Variants in CALN1 observed in about 807,000 individuals in gnomAD.
CALN1 encodes the protein calcium-binding protein 8.
CALN1 carries 17 observed loss-of-function variants against 30.6 expected under a neutral mutation model. The ratio of observed to expected loss-of-function variants is 0.56; its 90% CI spans 0.38 to 0.83. The LOEUF is 0.83. Among genes scored for constraint, CALN1 ranks in the 40% least tolerant of loss-of-function variants. CALN1 has a pLI of 0.00. For missense variants in CALN1, 291 were observed against 354.9 expected, an observed-to-expected ratio of 0.82 and a Z score of 1.45; for synonymous variants, 156 against 131.4, an observed-to-expected ratio of 1.19 and a Z score of -1.28.
chr7:72,347,360 G>A (rs1047556127), intron 2 of CALN1, among the ~76,000 whole-genome samples: 26 of 151,576 alleles, frequency 1.7e-4, no homozygotes, highest in African/African-American at 6.1e-4. Context: ...TCTGCCTCCC[G>A]GGTTCAAGCG....
intron 1 of CALN1, among the ~76,000 whole-genome samples, chr7:72,424,590 A>T (rs1281206742): frequency 4.0e-5 from 6 of 151,826 alleles, no homozygotes; most frequent in East Asian, 1.9e-4. Flanking sequence ...CTGTCTCTTA[A>T]TTTATTTTAT....
chr7:72,479,812 A>C, the CALN1 span, among the ~76,000 whole-genome samples: 1 of 152,144 alleles, frequency 6.6e-6, no homozygotes, highest in Non-Finnish European at 1.5e-5. Context: ...TGGCTTCCCA[A>C]AGTGCTGGGA....
At chr7:71,962,486 G>A (rs969503069) in intron 5 of CALN1, among the ~76,000 whole-genome samples, 2 of 152,178 alleles carry the variant, frequency 1.3e-5, no homozygotes, top group African/African-American at 2.4e-5. Context: ...GCTGGCAAAA[G>A]CCATGCCATA....
intron 4 of CALN1, among the ~76,000 whole-genome samples, chr7:72,024,554 A>C (rs1422764516): frequency 6.6e-6 from 1 of 152,078 alleles, no homozygotes; most frequent in Non-Finnish European, 1.5e-5. Context: ...GCAAGCCACC[A>C]AGCCTGGCTA....
At chr7:72,298,156 G>A (rs558919500) in intron 2 of CALN1, among the ~76,000 whole-genome samples, 2 of 152,250 alleles carry the variant, frequency 1.3e-5, no homozygotes, top group Non-Finnish European at 2.9e-5. Context: ...ATCTTTACCT[G>A]TGTATGGCCA....
chr7:71,987,354 T>C (rs1188511366), intron 5 of CALN1, among the ~76,000 whole-genome samples: 1 of 152,190 alleles, frequency 6.6e-6, no homozygotes, highest in Non-Finnish European at 1.5e-5. Context: ...CACAAGTCCA[T>C]GCGGGGGCTG....
the CALN1 span, among the ~76,000 whole-genome samples, chr7:72,481,448 T>G: frequency 6.6e-6 from 1 of 152,236 alleles, no homozygotes; most frequent in Non-Finnish European, 1.5e-5. Context: ...TCTGTTGCTT[T>G]TCTGTTTTCT....
chr7:71,866,837 T>C (rs1333683125), intron 5 of CALN1, among the ~76,000 whole-genome samples: 4 of 152,186 alleles, frequency 2.6e-5, no homozygotes, highest in African/African-American at 7.2e-5. Context: ...TGGCAGATAA[T>C]TTGTCTACTA....
At chr7:72,393,979 A>G (rs978794200) in intron 2 of CALN1, among the ~76,000 whole-genome samples, 6 of 152,186 alleles carry the variant, frequency 3.9e-5, no homozygotes, top group Admixed American at 2.0e-4. Context: ...TGTTTTATTA[A>G]AAGAATCACA....
At chr7:72,281,936 T>C (rs1797756024) in intron 2 of CALN1, among the ~76,000 whole-genome samples, 1 of 151,904 alleles carries the variant, frequency 6.6e-6, no homozygotes, top group Non-Finnish European at 1.5e-5. Context: ...ATAATTTGCT[T>C]CTGAAAAAAA....
chr7:72,089,253 A>G (rs1012383903), intron 4 of CALN1, among the ~76,000 whole-genome samples: 3 of 152,174 alleles, frequency 2.0e-5, no homozygotes, highest in Non-Finnish European at 4.4e-5. Context: ...ATTAGCTGTT[A>G]GAGATAATCT....
chr7:72,047,695 A>G (rs844773), intron 4 of CALN1, among the ~76,000 whole-genome samples: 9,624 of 152,290 alleles, frequency 0.063, 718 homozygotes, highest in African/African-American at 0.16. Context: ...ACGCGCTGGC[A>G]GGGAACTGCA....
chr7:72,000,236 A>G (rs1799459199), intron 5 of CALN1, among the ~76,000 whole-genome samples: 1 of 152,160 alleles, frequency 6.6e-6, no homozygotes, highest in Non-Finnish European at 1.5e-5. Flanking sequence ...CATTGAAACA[A>G]AAGCATATTT....
chr7:71,846,555 T>C (rs1397770809), intron 5 of CALN1, among the ~76,000 whole-genome samples: 1 of 151,976 alleles, frequency 6.6e-6, no homozygotes, highest in Admixed American at 6.6e-5. Flanking sequence ...TATAGATAGA[T>C]ATAGATATGC....
At chr7:72,336,368 GGCTAGAAGA>G (rs1311513343) in intron 2 of CALN1, among the ~76,000 whole-genome samples, 2 of 152,126 alleles carry the variant, frequency 1.3e-5, no homozygotes, top group Non-Finnish European at 2.9e-5. Flanking sequence ...GGCGCCTGGG[GGCTAGAAGA>G]GCGGCTCCCA....
chr7:72,280,444 T>TA (rs1797660141), intron 2 of CALN1, among the ~76,000 whole-genome samples: 1 of 152,226 alleles, frequency 6.6e-6, no homozygotes, highest in Admixed American at 6.5e-5. Flanking sequence ...CATCTTCAGC[T>TA]AGTTACAAGT....
intron 5 of CALN1, among the ~76,000 whole-genome samples, chr7:71,848,980 T>G (rs927322213): frequency 6.6e-6 from 1 of 152,208 alleles, no homozygotes; most frequent in Admixed American, 6.5e-5. Context: ...AGTTTCTTTT[T>G]TAATTTGTTA....
intron 2 of CALN1, among the ~76,000 whole-genome samples, chr7:72,383,983 T>G (rs1230350701): frequency 6.6e-6 from 1 of 152,334 alleles, no homozygotes; most frequent in South Asian, 2.1e-4. Context: ...CATTCTACTA[T>G]AAAGACACGT....
chr7:72,049,681 T>C (rs552130590), intron 4 of CALN1, among the ~76,000 whole-genome samples: 40 of 151,900 alleles, frequency 2.6e-4, no homozygotes, highest in Non-Finnish European at 1.2e-4. Flanking sequence ...CTATTTTTTG[T>C]GTTTTTAGTA....
Sources: gnomAD v4.1 joint callset for allele counts (sites outside exome capture counted in the v4.1 genomes callset) on GRCh38, gnomAD v4.1.1 for gene constraint, MANE v1.5 for transcripts, NCBI Gene and HGNC (gene_info 2026-07-23, HGNC 2026-07-21) for gene names.